Variants in CNOT6L observed in about 807,000 individuals in gnomAD.
The protein encoded by CNOT6L is CCR4-NOT transcription complex subunit 6-like.
A neutral mutation model predicts 64.0 loss-of-function variants in CNOT6L; 7 were observed. The observed-to-expected ratio is 0.11, with a 90% CI of 0.06 to 0.21. The LOEUF is 0.21. CNOT6L is among the 10% of genes least tolerant of loss of function. The pLI is 1.00. For missense variants in CNOT6L, 245 were observed against 669.0 expected, an observed-to-expected ratio of 0.37 and a Z score of 6.99; for synonymous variants, 193 against 243.4, an observed-to-expected ratio of 0.79 and a Z score of 1.93.
rs961084369 is a variant in CNOT6L at position 77,716,854 on chromosome 4, A to G, written c.*3577T>C. The G allele has an allele frequency of 7.9e-5, 12 of 152,728 alleles. No individual in the cohort carries two copies. Among genetic ancestry groups the G allele is most frequent in the East Asian group, 1.9e-4 (1 of 5,190 alleles). The allele number at this position is 152,728 out of a possible 1,614,324, so 9.5% of individuals were successfully genotyped here. On this transcript the variant is annotated 3_prime_UTR_variant, in exon 12 of 12. Coordinates refer to ENST00000504123, the MANE Select transcript of CNOT6L (RefSeq NM_144571.3). ...AGTAAAATTAAATACCTGCCTATGA[A>G]TATCAGAAAAGTAATTTGAAAAGAA... is the stretch of plus-strand genomic sequence containing the variant.
chr4:77,734,227 C>A (rs893939996), intron 8 of CNOT6L, among the ~76,000 whole-genome samples: 8 of 151,960 alleles, frequency 5.3e-5, no homozygotes, highest in Non-Finnish European at 1.2e-4. Flanking sequence ...AAAACAAAAA[C>A]GTGGAAAAAA....
At chr4:77,795,021 CTTT>C (rs35837302) in intron 1 of CNOT6L, among the ~76,000 whole-genome samples, 4 of 131,966 alleles carry the variant, frequency 3.0e-5, no homozygotes, top group Admixed American at 7.8e-5. Context: ...AGAAATTTTT[CTTT>C]TTTTTTTTTT....
At chr4:77,781,728 G>A (rs1208819026) in intron 1 of CNOT6L, among the ~76,000 whole-genome samples, 1 of 151,760 alleles carries the variant, frequency 6.6e-6, no homozygotes, top group East Asian at 1.9e-4. Flanking sequence ...AAAAAACGAT[G>A]CCTCTATAGC....
intron 5 of CNOT6L, 132 bp from the exon 6 acceptor site, chr4:77,748,516 A>T: frequency 1.5e-6 from 1 of 652,616 alleles, no homozygotes. Flanking sequence ...CTAATGCTGA[A>T]ATTTAATGAA....
chr4:77,819,376 CG>C, upstream of CNOT6L: 1 of 1,547,508 alleles, frequency 6.5e-7, no homozygotes, highest in African/African-American at 1.4e-5. Context: ...CACACAAACA[CG>C]CGCGCGCGCG....
chr4:77,753,314 C>T (rs1725062697), intron 5 of CNOT6L, among the ~76,000 whole-genome samples: 1 of 151,664 alleles, frequency 6.6e-6, no homozygotes, highest in South Asian at 2.1e-4. Context: ...AATATCACAA[C>T]TTGACAAGGA....
intron 4 of CNOT6L, among the ~76,000 whole-genome samples, chr4:77,769,723 TTTATA>T (rs1727323704): frequency 1.3e-5 from 2 of 152,166 alleles, no homozygotes; most frequent in South Asian, 4.1e-4. Flanking sequence ...TAATTATTCT[TTTATA>T]TTATATTTCA....
At chr4:77,786,729 G>C (rs1729489696) in intron 1 of CNOT6L, among the ~76,000 whole-genome samples, 1 of 151,702 alleles carries the variant, frequency 6.6e-6, no homozygotes, top group Non-Finnish European at 1.5e-5. Context: ...TGCCCACCTT[G>C]GCCTCCCAAA....
chr4:77,748,947 G>A (rs998901131), intron 5 of CNOT6L, among the ~76,000 whole-genome samples: 1 of 152,136 alleles, frequency 6.6e-6, no homozygotes, highest in African/African-American at 2.4e-5. Flanking sequence ...CTCAGATATG[G>A]TTATCAATAC....
intron 1 of CNOT6L, among the ~76,000 whole-genome samples, chr4:77,817,149 A>G (rs1400547797): frequency 6.6e-6 from 1 of 151,960 alleles, no homozygotes; most frequent in Non-Finnish European, 1.5e-5. Flanking sequence ...GAGGTTGAAA[A>G]TTTTTTTCCA....
At chr4:77,803,769 G>GT (rs1731891605) in intron 1 of CNOT6L, among the ~76,000 whole-genome samples, 1 of 152,124 alleles carries the variant, frequency 6.6e-6, no homozygotes, top group African/African-American at 2.4e-5. Context: ...CGGGTGTGGT[G>GT]GCACATGCCA....
At chr4:77,779,743 C>T (rs970396915) in intron 1 of CNOT6L, among the ~76,000 whole-genome samples, 2 of 152,220 alleles carry the variant, frequency 1.3e-5, no homozygotes, top group Admixed American at 1.3e-4. Flanking sequence ...GGGCAGATCA[C>T]GAGGTCAGGA....
At chr4:77,727,909 T>G (rs1419876601) in intron 10 of CNOT6L, among the ~76,000 whole-genome samples, 2 of 152,206 alleles carry the variant, frequency 1.3e-5, no homozygotes, top group African/African-American at 2.4e-5. Flanking sequence ...TGACTTTTTT[T>G]TAATATTCCA....
intron 4 of CNOT6L, among the ~76,000 whole-genome samples, chr4:77,763,743 A>T (rs1726498685): frequency 1.3e-5 from 2 of 152,234 alleles, no homozygotes; most frequent in South Asian, 4.1e-4. Context: ...CCAATCATAT[A>T]CTATGCCATA....
At chr4:77,760,860 CTTTTTTTTTTTTTTTTTTTTT>C (rs754195745) in intron 4 of CNOT6L, among the ~76,000 whole-genome samples, 18 of 29,986 alleles carry the variant, frequency 6.0e-4, no homozygotes, top group African/African-American at 2.0e-3. Flanking sequence ...CCATGCCTGG[CTTTTTTTTTTTTTTTTTTTTT>C]TTTTTTTTTT....
Position 77,768,470 on chromosome 4 carries a change from AATAAATATATATATAT to A in CNOT6L, c.400+4595_400+4610del, listed in dbSNP as rs1304772715. 2.9e-4 allele frequency among the ~76,000 whole-genome samples: 39 copies of A among 134,404 alleles called. 1 individual carries two copies. Among genetic ancestry groups the A allele is most frequent in the South Asian group, 9.4e-4 (4 of 4,256 alleles). 88.2% of individuals were successfully genotyped at this position (134,404 alleles called of 152,430 possible). Reference sequence around the variant, plus strand: ...ACAGAGTGAGACTCTGTCTAAAATAAATAAATATATATATATATATATATATATATATATATATATA... The same window carrying A: ...ACAGAGTGAGACTCTGTCTAAAATAAATATATATATATATATATATATATA... On this transcript the variant is annotated intron_variant, in intron 4 of 11. Transcript: ENST00000504123.
intron 4 of CNOT6L, among the ~76,000 whole-genome samples, chr4:77,759,949 TAC>T (rs1196563404): frequency 9.2e-5 from 14 of 152,202 alleles, no homozygotes; most frequent in African/African-American, 3.4e-4. Context: ...ATACAAAACA[TAC>T]AGTTATGGCC....
rs974504086 is a variant in CNOT6L at position 77,717,965 on chromosome 4, T to A, written c.*2466A>T. ...CGCATTTGAAGCAGAGAGAACCCAA[T>A]TACACACCTTCCTGCAACAGAGTGC... On this transcript the variant is annotated 3_prime_UTR_variant, in exon 12 of 12. Transcript: ENST00000504123. 1 of 152,488 alleles carries A rather than the reference T, an allele frequency of 6.6e-6. No individual in the cohort carries two copies. The highest frequency in any genetic ancestry group is 1.9e-4 in the East Asian group (1 of 5,188). 9.4% of individuals were successfully genotyped at this position (152,488 alleles called of 1,614,324 possible).
chr4:77,748,273 A>T, intron 6 of CNOT6L, 43 bp downstream of exon 6: 1 of 1,295,236 alleles, frequency 7.7e-7, no homozygotes, highest in Non-Finnish European at 1.1e-6. Flanking sequence ...ATAACATTTT[A>T]AGAATTTCTG....
Sources: allele counts gnomAD v4.1 joint callset (sites outside exome capture counted in the v4.1 genomes callset), GRCh38; gene constraint gnomAD v4.1.1; transcripts MANE v1.5; gene names NCBI Gene and HGNC (gene_info 2026-07-23, HGNC 2026-07-21).